DOCK8: variants seen among roughly 807,000 people sequenced by gnomAD.
The protein encoded by DOCK8 is dedicator of cytokinesis protein 8.
A neutral mutation model predicts 245.6 loss-of-function variants in DOCK8; 141 were observed. That is an observed-to-expected ratio of 0.57 (90% confidence interval 0.50 to 0.66). The LOEUF is 0.66. Among genes scored for constraint, DOCK8 ranks in the 30% least tolerant of loss-of-function variants. The pLI, the probability that DOCK8 is intolerant of heterozygous loss-of-function variation, is 0.00. For synonymous variants in DOCK8, 1,168 were observed against 970.2 expected (o/e 1.20, Z -3.79); for missense variants, 2,965 against 2,603.4 (o/e 1.14, Z -3.02).
intron 1 of DOCK8, among the ~76,000 whole-genome samples, chr9:257,171 T>C (rs2129710374): frequency 6.6e-6 from 1 of 152,332 alleles, no homozygotes; most frequent in Admixed American, 6.5e-5. Context: ...GGAGATGGTT[T>C]GGGACTGGGG....
At chr9:386,124 A>G (rs1425765298) in intron 22 of DOCK8, among the ~76,000 whole-genome samples, 1 of 152,260 alleles carries the variant, frequency 6.6e-6, no homozygotes, top group Non-Finnish European at 1.5e-5. Context: ...ACAAACTATT[A>G]ACGGGTGTTG....
intron 46 of DOCK8, chr9:452,736 C>T (rs537814976): frequency 3.9e-5 from 6 of 152,386 alleles, no homozygotes; most frequent in African/African-American, 1.4e-4. Context: ...GTTCTAAAAC[C>T]AGGCTTTTCA....
chr9:247,939 A>G (rs183106899), intron 1 of DOCK8, among the ~76,000 whole-genome samples: 65 of 151,754 alleles, frequency 4.3e-4, no homozygotes, highest in African/African-American at 1.5e-3. Flanking sequence ...CATTGCCCCA[A>G]TGTATATTGT....
chr9:331,874 A>T (rs1381763130), intron 9 of DOCK8, among the ~76,000 whole-genome samples: 1 of 152,224 alleles, frequency 6.6e-6, no homozygotes, highest in Non-Finnish European at 1.5e-5. Context: ...CAAGGGAGAC[A>T]ATTACAGATA....
At chr9:289,946 C>T (rs1217007514) in intron 4 of DOCK8, among the ~76,000 whole-genome samples, 1 of 152,180 alleles carries the variant, frequency 6.6e-6, no homozygotes, top group East Asian at 1.9e-4. Flanking sequence ...TTTCACTGCC[C>T]TAAAAATCCT....
chr9:353,390 G>A (rs1466206723), intron 14 of DOCK8, among the ~76,000 whole-genome samples: 2 of 152,158 alleles, frequency 1.3e-5, no homozygotes, highest in South Asian at 2.1e-4. Flanking sequence ...CATCAAGAAT[G>A]ATAAAACAAG....
chr9:225,268 A>G (rs7865047), intron 1 of DOCK8, among the ~76,000 whole-genome samples: 2,098 of 152,230 alleles, frequency 0.014, 42 homozygotes, highest in African/African-American at 0.048. Context: ...TCAGAGAGAG[A>G]GAAGCCTGTA....
intron 14 of DOCK8, among the ~76,000 whole-genome samples, chr9:367,470 T>G (rs1273622246): frequency 2.0e-5 from 3 of 152,022 alleles, no homozygotes; most frequent in Non-Finnish European, 4.4e-5. Flanking sequence ...TGTCCTATAG[T>G]TGTCAAATGG....
intron 20 of DOCK8, among the ~76,000 whole-genome samples, chr9:379,163 G>T (rs1355958864): frequency 6.6e-6 from 1 of 152,146 alleles, no homozygotes; most frequent in Non-Finnish European, 1.5e-5. Flanking sequence ...AGGGTACAAG[G>T]TTAGATAAGT....
intron 35 of DOCK8, among the ~76,000 whole-genome samples, chr9:429,178 G>A (rs1256817574): frequency 6.6e-6 from 1 of 152,136 alleles, no homozygotes; most frequent in Non-Finnish European, 1.5e-5. Context: ...TGTTGGCCAG[G>A]CTGGTCTTGA....
chr9:437,789 A>G (rs920602307), intron 39 of DOCK8, among the ~76,000 whole-genome samples: 1 of 152,198 alleles, frequency 6.6e-6, no homozygotes, highest in Non-Finnish European at 1.5e-5. Context: ...CCAGAGTGCA[A>G]TATTTATTTC....
chr9:228,667 T>C lies in DOCK8; in HGVS notation c.53+13638T>C, dbSNP rs1396323173. 2.0e-5 allele frequency among the ~76,000 whole-genome samples: 3 copies of C among 152,190 alleles called. No individual in the cohort carries two copies. The South Asian group carries it at 6.2e-4, about 32-fold the overall frequency. On this transcript the variant is annotated intron_variant, in intron 1 of 47. Coordinates refer to ENST00000432829, the MANE Select transcript of DOCK8 (RefSeq NM_203447.4). Reference sequence around the variant, plus strand: ...AAAATAAATTTCTTTTGTTTTACGCTATCCAGTTTGTGGTAGTTTGTTACA... The same window carrying C: ...AAAATAAATTTCTTTTGTTTTACGCCATCCAGTTTGTGGTAGTTTGTTACA...
At chr9:282,413 G>GTTTTTTTTTTTTTTTTTTTTTT (rs58014606) in intron 2 of DOCK8, among the ~76,000 whole-genome samples, 1 of 131,768 alleles carries the variant, frequency 7.6e-6, no homozygotes, top group Non-Finnish European at 1.6e-5. Flanking sequence ...GTTTCGTTTT[G>GTTTTTTTTTTTTTTTTTTTTTT]TTTTTTTTTT....
intron 24 of DOCK8, among the ~76,000 whole-genome samples, chr9:390,986 G>A (rs1238502445): frequency 6.6e-6 from 1 of 152,148 alleles, no homozygotes; most frequent in African/African-American, 2.4e-5. Flanking sequence ...TTTTTATCAT[G>A]ACCTAAAAAG....
intron 1 of DOCK8, among the ~76,000 whole-genome samples, chr9:251,979 T>A (rs1056681052): frequency 1.1e-4 from 16 of 148,126 alleles, no homozygotes; most frequent in Non-Finnish European, 2.1e-4. Flanking sequence ...TTTCTTTTTT[T>A]TTTTTTTTTT....
At chr9:282,011 C>T (rs1229873420) in intron 2 of DOCK8, among the ~76,000 whole-genome samples, 1 of 152,190 alleles carries the variant, frequency 6.6e-6, no homozygotes, top group Non-Finnish European at 1.5e-5. Context: ...CTTCAGACCT[C>T]GAGAGTTTAT....
chr9:428,613 T>A, intron 35 of DOCK8, 117 bp downstream of exon 35: 1 of 1,295,500 alleles, frequency 7.7e-7, no homozygotes, highest in Non-Finnish European at 1.1e-6. Context: ...GGCATCACAG[T>A]AAAGGTCTTA....
intron 22 of DOCK8, among the ~76,000 whole-genome samples, chr9:383,838 T>C (rs1563990332): frequency 6.6e-6 from 1 of 152,198 alleles, no homozygotes; most frequent in Non-Finnish European, 1.5e-5. Flanking sequence ...TTTTTCATGG[T>C]AAAGCTTTAC....
chr9:247,591 T>A (rs549276777), intron 1 of DOCK8, among the ~76,000 whole-genome samples: 8 of 152,304 alleles, frequency 5.3e-5, no homozygotes, highest in Non-Finnish European at 1.0e-4. Context: ...TGAAGTGCAG[T>A]GACGTGATCT....
Sources: gnomAD v4.1 joint callset for allele counts (sites outside exome capture counted in the v4.1 genomes callset) on GRCh38, gnomAD v4.1.1 for gene constraint, MANE v1.5 for transcripts, NCBI Gene and HGNC (gene_info 2026-07-23, HGNC 2026-07-21) for gene names.